The following MSTN variants were observed in gnomAD, a reference collection of about 807,000 sequenced individuals.
MSTN encodes growth/differentiation factor 8.
A neutral mutation model predicts 32.3 loss-of-function variants in MSTN; 12 were observed. That is an observed-to-expected ratio of 0.37 (90% CI 0.24 to 0.60). The LOEUF (loss-of-function observed/expected upper bound fraction) is 0.60, where lower values mean the gene tolerates loss of function less well. MSTN is among the 20% of genes least tolerant of loss of function. The pLI, the probability that MSTN is intolerant of heterozygous loss-of-function variation, is 0.67. For synonymous variants in MSTN, 168 were observed against 155.1 expected (o/e 1.08, Z -0.62); for missense variants, 403 against 450.3 (o/e 0.89, Z 0.95).
In MSTN at chr2:190,060,378, G is replaced by A. The variant is rs528391865; in HGVS notation, c.431C>T (p.Ser144Phe). 3.7e-6 allele frequency: 6 copies of A among 1,611,288 alleles called. No homozygotes were observed. In the East Asian group the frequency reaches 1.3e-4, roughly 36 times the overall value. ...TACTACTTTATTGTATTGTATTTTA[G>A]AGCTAAATTTAAAGAAGCAACATTT... ...KPKCCFFKFSSKIQYNKVVKA... is the reference protein window; with the variant it reads ...KPKCCFFKFSFKIQYNKVVKA... Residue 144 changes from serine to phenylalanine, a missense_variant, in exon 2 of 3, where the codon TCT (serine) becomes TTT (phenylalanine). Coordinates refer to ENST00000260950, the MANE Select transcript of MSTN (RefSeq NM_005259.3).
chr2:190,057,461 A>G lies in MSTN; in HGVS notation c.925T>C (p.Cys309Arg). ...IAPKRYKANY[C>R]SGECEFVFLQ... Reference sequence around the variant, plus strand: ...AATACAAATTCACACTCTCCAGAGCAGTAATTGGCCTTATATCTTTTAGGA... The same window carrying G: ...AATACAAATTCACACTCTCCAGAGCGGTAATTGGCCTTATATCTTTTAGGA... The change falls in exon 3 of 3, where the codon TGC (cysteine) becomes CGC (arginine). Residue 309 changes from cysteine to arginine, a missense_variant. Physicochemically the swap from Cys to Arg is radical, Grantham distance 180 (BLOSUM62 -3). Transcript: ENST00000260950. The G allele has an allele frequency of 6.2e-7, 1 of 1,613,602 alleles. No homozygotes were observed. Among genetic ancestry groups the G allele is most frequent in the Non-Finnish European group, 8.5e-7 (1 of 1,179,616 alleles).
chr2:190,060,834 A>C (rs1362169717), intron 1 of MSTN, among the ~76,000 whole-genome samples: 1 of 152,012 alleles, frequency 6.6e-6, no homozygotes, highest in Non-Finnish European at 1.5e-5. Context: ...CAGCTGTACC[A>C]ATCAGTCTGG....
chr2:190,057,245 C>T lies in MSTN; in HGVS notation c.*13G>A, dbSNP rs751360421. ...TCCATGTTTTAGGAAGTTATGAACG[C>T]TTAATATAAATCTCATGAGCACCCA... is the stretch of plus-strand genomic sequence containing the variant. On this transcript the variant is annotated 3_prime_UTR_variant, in exon 3 of 3. Coordinates refer to ENST00000260950, the MANE Select transcript of MSTN (RefSeq NM_005259.3). The T allele has an allele frequency of 1.1e-5, 17 of 1,612,750 alleles. No homozygotes were observed. The highest frequency in any genetic ancestry group is 1.4e-5 in the Non-Finnish European group (16 of 1,179,206).
chr2:190,056,028 ATTCACT>A lies in MSTN; in HGVS notation c.*1224_*1229del. ...TGACAGTAAACCATTGAAATTTCAA[ATTCACT>A]TTATACAGCCATCATGAATCCATAA... On this transcript the variant is annotated 3_prime_UTR_variant, in exon 3 of 3. Coordinates refer to ENST00000260950, the MANE Select transcript of MSTN (RefSeq NM_005259.3). 6.6e-6 allele frequency: 1 copy of A among 152,654 alleles called. No individual in the cohort carries two copies. The highest frequency in any genetic ancestry group is 1.5e-5 in the Non-Finnish European group (1 of 67,964). 9.5% of individuals were successfully genotyped at this position (152,654 alleles called of 1,614,324 possible).
Position 190,060,089 on chromosome 2 carries a change from G to A in MSTN, c.720C>T (p.Thr240=). 6.2e-7 allele frequency: 1 copy of A among 1,612,554 alleles called. No homozygotes were observed. ...LDENGHDLAV[T]FPGPGEDGLN... ...GCCCATCTTCTCCTGGTCCTGGGAA[G>A]GTTACAGCAAGATCATGACCATTCT... The change falls in exon 2 of 3, where the codon ACC becomes ACT. Residue 240 remains threonine, a synonymous_variant. Transcript: ENST00000260950.
rs1685620908 is a variant in MSTN, at chr2:190,062,362, G to T, written c.235C>A (p.Gln79Lys). The change falls in exon 1 of 3, where the codon CAA becomes AAA. Residue 79 changes from glutamine to lysine, a missense_variant. By Grantham distance (53) the Gln-to-Lys change is moderately conservative. Transcript: ENST00000260950. ...AGTGGAGGAGCTTTGGGTAAAAGTT[G>T]TCTTATAACATCTTTGCTGATGTTA... is the stretch of plus-strand genomic sequence containing the variant. The part of the protein sequence containing the change: ...APNISKDVIR[Q>K]LLPKAPPLRE... 6.2e-7 allele frequency: 1 copy of T among 1,613,262 alleles called. No homozygotes were observed. Among genetic ancestry groups the T allele is most frequent in the Admixed American group, 1.7e-5 (1 of 59,840 alleles).
chr2:190,060,013 T>C, intron 2 of MSTN, 49 bp downstream of exon 2: 1 of 1,565,098 alleles, frequency 6.4e-7, no homozygotes, highest in Non-Finnish European at 8.8e-7. Context: ...GTTCATATTA[T>C]GAATAAAAAC....
At chr2:190,057,706 G>T (rs1685475311) in intron 2 of MSTN, 68 bp from the exon 3 acceptor site, 2 of 1,535,110 alleles carry the variant, frequency 1.3e-6, no homozygotes, top group Admixed American at 1.7e-5. Flanking sequence ...CCTACCTTAA[G>T]AAGTTATTGT....
Position 190,057,220 on chromosome 2 carries a change from T to C in MSTN, c.*38A>G. The stretch of plus-strand genomic sequence containing the variant: ...TTCAAAATTGTTGAGGGGAAAACCT[T>C]CCATGTTTTAGGAAGTTATGAACGC... On this transcript the variant is annotated 3_prime_UTR_variant, in exon 3 of 3. Transcript: ENST00000260950. 6.2e-7 allele frequency: 1 copy of C among 1,611,218 alleles called. No individual in the cohort carries two copies.
At chr2:190,057,706 G>C in intron 2 of MSTN, 68 bp from the exon 3 acceptor site, 1 of 1,535,228 alleles carries the variant, frequency 6.5e-7, no homozygotes, top group Non-Finnish European at 9.0e-7. Flanking sequence ...CCTACCTTAA[G>C]AAGTTATTGT....
intron 1 of MSTN, among the ~76,000 whole-genome samples, chr2:190,060,747 T>G (rs1402576008): frequency 6.6e-6 from 1 of 151,914 alleles, no homozygotes; most frequent in East Asian, 1.9e-4. Context: ...ATGATGATGA[T>G]TAGAGAGAAC....
intron 1 of MSTN, 76 bp from the exon 2 acceptor site, chr2:190,060,511 C>G: frequency 7.4e-7 from 1 of 1,358,040 alleles, no homozygotes. Flanking sequence ...AATAGTTGAG[C>G]ATTTTTTTAA....
chr2:190,055,928 G>A lies in MSTN; in HGVS notation c.*1330C>T, dbSNP rs1241449871. ...AGTTTATTCTTCATTTCAGATAATA[G>A]AGTCAATTATTTTGGTATACTTAGT... On this transcript the variant is annotated 3_prime_UTR_variant, in exon 3 of 3. Coordinates refer to ENST00000260950, the MANE Select transcript of MSTN (RefSeq NM_005259.3). 1 of 152,370 alleles carries A rather than the reference G, an allele frequency of 6.6e-6. No individual in the cohort carries two copies. The highest frequency in any genetic ancestry group is 1.5e-5 in the Non-Finnish European group (1 of 67,980). The allele number at this position is 152,370 out of a possible 1,614,324, so 9.4% of individuals were successfully genotyped here. A position where few individuals can be genotyped will look rare whatever the true frequency, so the allele number is the denominator to read the frequency against.
rs1439823417 is a variant in MSTN at position 190,055,981 on chromosome 2, G to C, written c.*1277C>G. ...TGTTTTTGCAAGTATTAAAATAATGGAACGTTGAGATTTAAACACAATGAC... is the reference window on the plus strand; with the variant it reads ...TGTTTTTGCAAGTATTAAAATAATGCAACGTTGAGATTTAAACACAATGAC... On this transcript the variant is annotated 3_prime_UTR_variant, in exon 3 of 3. Transcript: ENST00000260950. The C allele has an allele frequency of 2.6e-5, 4 of 152,422 alleles. No homozygotes were observed. Among genetic ancestry groups the C allele is most frequent in the Admixed American group, 2.6e-4 (4 of 15,248 alleles). The allele number at this position is 152,422 out of a possible 1,614,324, so 9.4% of individuals were successfully genotyped here. A position where few individuals can be genotyped will look rare whatever the true frequency, so the allele number is the denominator to read the frequency against.
chr2:190,059,967 G>T, intron 2 of MSTN, 95 bp downstream of exon 2: 1 of 1,335,780 alleles, frequency 7.5e-7, no homozygotes, highest in Non-Finnish European at 1.0e-6. Flanking sequence ...TAGCTTATGA[G>T]CTTAGGGAAT....
chr2:190,061,343 G>A (rs1685588150), intron 1 of MSTN, among the ~76,000 whole-genome samples: 1 of 151,966 alleles, frequency 6.6e-6, no homozygotes, highest in South Asian at 2.1e-4. Context: ...CTCTTTCCTG[G>A]AGAAAGTATT....
chr2:190,061,964 CTA>C (rs965322903), intron 1 of MSTN, among the ~76,000 whole-genome samples: 2 of 151,980 alleles, frequency 1.3e-5, no homozygotes, highest in African/African-American at 2.4e-5. Context: ...AGCATGCTAT[CTA>C]TATTTGCCTT....
rs1338594010 is a variant in MSTN, at chr2:190,057,337, A to T, written c.1049T>A (p.Met350Lys). 1 of 1,613,384 alleles carries T rather than the reference A, an allele frequency of 6.2e-7. No homozygotes were observed. The highest frequency in any genetic ancestry group is 8.5e-7 in the Non-Finnish European group (1 of 1,179,564). Residue 350 changes from methionine (M) to lysine (K), a missense_variant, in exon 3 of 3, where the codon ATG becomes AAG. By Grantham distance (95) the Met-to-Lys change is moderately conservative. Coordinates refer to ENST00000260950, the MANE Select transcript of MSTN (RefSeq NM_005259.3). The part of the protein sequence containing the change: ...CTPTKMSPIN[M>K]LYFNGKEQII... ...TTGTTCTTTGCCATTAAAATATAGC[A>T]TATTAATTGGAGACATCTTTGTGGG...
At position 190,060,520 on chromosome 2, in the gene MSTN, A is replaced by T. The variant is rs568890201; in HGVS notation, c.374-85T>A. The T allele has an allele frequency of 2.4e-4, 295 of 1,232,326 alleles. 4 individuals carry two copies. The South Asian group carries it at 3.3e-3, about 14-fold the overall frequency. The allele number at this position is 1,232,326 out of a possible 1,614,324, so 76.3% of individuals were successfully genotyped here. A position where few individuals can be genotyped will look rare whatever the true frequency, so the allele number is the denominator to read the frequency against. Reference sequence around the variant, plus strand: ...CATATTAATAGTTGAGCATTTTTTTAAATTAAGATAATGTATGCCTATGCA... The same window carrying T: ...CATATTAATAGTTGAGCATTTTTTTTAATTAAGATAATGTATGCCTATGCA... On this transcript the variant is annotated intron_variant, in intron 1 of 2. Coordinates refer to ENST00000260950, the MANE Select transcript of MSTN (RefSeq NM_005259.3).
Sources: gnomAD v4.1 joint callset for allele counts (sites outside exome capture counted in the v4.1 genomes callset) on GRCh38, gnomAD v4.1.1 for gene constraint, MANE v1.5 for transcripts, NCBI Gene and HGNC (gene_info 2026-07-23, HGNC 2026-07-21) for gene names.